Variants in BMAL1 observed in about 807,000 individuals in gnomAD.
The protein encoded by BMAL1 is basic helix-loop-helix ARNT-like protein 1.
the BMAL1 span, among the ~76,000 whole-genome samples, chr11:13,341,537 A>G: frequency 1.4e-4 from 21 of 152,270 alleles, no homozygotes; most frequent in African/African-American, 5.1e-4. Context: ...AAACACAAGC[A>G]CCTTTCAGGT....
chr11:13,353,236 C>T, the BMAL1 span: 7 of 153,868 alleles, frequency 4.5e-5, no homozygotes, highest in African/African-American at 1.7e-4. Context: ...GCTGCAACAT[C>T]TGTCACCCCA....
At chr11:13,320,041 A>G in the BMAL1 span, among the ~76,000 whole-genome samples, 7 of 152,356 alleles carry the variant, frequency 4.6e-5, no homozygotes, top group East Asian at 1.3e-3. Context: ...GATTTCTCAC[A>G]GGAGTGCTAA....
At chr11:13,331,247 G>T in the BMAL1 span, among the ~76,000 whole-genome samples, 1 of 152,232 alleles carries the variant, frequency 6.6e-6, no homozygotes, top group African/African-American at 2.4e-5. Flanking sequence ...TTGAGTGGTA[G>T]AGAAAATGAG....
chr11:13,341,268 C>T, the BMAL1 span, among the ~76,000 whole-genome samples: 76,394 of 152,080 alleles, frequency 0.5, 20,349 homozygotes, highest in Non-Finnish European at 0.61. Flanking sequence ...TCCTGTCCCA[C>T]GGATCCCTTC....
At chr11:13,337,882 G>T in the BMAL1 span, among the ~76,000 whole-genome samples, 1 of 152,126 alleles carries the variant, frequency 6.6e-6, no homozygotes, top group African/African-American at 2.4e-5. Context: ...AGCTGGGTTT[G>T]AACCCTGGCT....
At chr11:13,284,230 G>A in the BMAL1 span, among the ~76,000 whole-genome samples, 617 of 20,614 alleles carry the variant, frequency 0.03, 86 homozygotes, top group African/African-American at 0.11. Flanking sequence ...ATATATATGT[G>A]TGTGTATATA....
the BMAL1 span, among the ~76,000 whole-genome samples, chr11:13,359,175 A>T: frequency 6.6e-6 from 1 of 152,194 alleles, no homozygotes; most frequent in Non-Finnish European, 1.5e-5. Flanking sequence ...GTGAGAAAAC[A>T]TAGGCAGAAA....
the BMAL1 span, among the ~76,000 whole-genome samples, chr11:13,295,269 C>T: frequency 6.6e-6 from 1 of 152,062 alleles, no homozygotes; most frequent in South Asian, 2.1e-4. Context: ...GCTGACATGG[C>T]TTTGGCTGTC....
At chr11:13,346,557 G>A in the BMAL1 span, among the ~76,000 whole-genome samples, 2 of 152,168 alleles carry the variant, frequency 1.3e-5, no homozygotes, top group Admixed American at 6.5e-5. Context: ...AGCTGCCAAG[G>A]CCTCTCTCGA....
chr11:13,363,866 C>T, the BMAL1 span, among the ~76,000 whole-genome samples: 3 of 152,132 alleles, frequency 2.0e-5, no homozygotes, highest in East Asian at 1.9e-4. Flanking sequence ...CCTTCGGGCC[C>T]GGCTCCTTCA....
At chr11:13,284,234 GTATATATATATA>G in the BMAL1 span, among the ~76,000 whole-genome samples, 3 of 4,300 alleles carry the variant, frequency 7.0e-4, 1 homozygote, top group Non-Finnish European at 1.5e-3. Flanking sequence ...ATATGTGTGT[GTATATATATATA>G]TATATATATA....
At chr11:13,292,135 C>T in the BMAL1 span, among the ~76,000 whole-genome samples, 1 of 152,148 alleles carries the variant, frequency 6.6e-6, no homozygotes, top group Non-Finnish European at 1.5e-5. Context: ...TCTGGGTCTT[C>T]TCAGTTTTTT....
the BMAL1 span, among the ~76,000 whole-genome samples, chr11:13,311,780 C>T: frequency 1.3e-5 from 2 of 152,072 alleles, no homozygotes; most frequent in Admixed American, 1.3e-4. Context: ...GTGTGGTGTT[C>T]GTAACTCTGC....
the BMAL1 span, among the ~76,000 whole-genome samples, chr11:13,302,910 C>G: frequency 6.6e-6 from 1 of 152,168 alleles, no homozygotes. Flanking sequence ...TCCATTCAGC[C>G]TCTTTCTCTC....
At chr11:13,322,199 T>C in the BMAL1 span, among the ~76,000 whole-genome samples, 1 of 152,200 alleles carries the variant, frequency 6.6e-6, no homozygotes. Context: ...CCAGATTGAA[T>C]GAGAAGGAAC....
the BMAL1 span, among the ~76,000 whole-genome samples, chr11:13,337,272 A>AT: frequency 1.1e-4 from 17 of 151,610 alleles, no homozygotes; most frequent in Admixed American, 8.5e-4. Context: ...ATTCTGGTGA[A>AT]TTTTTTTTTG....
chr11:13,364,575 A>G, the BMAL1 span, among the ~76,000 whole-genome samples: 2 of 152,218 alleles, frequency 1.3e-5, no homozygotes, highest in African/African-American at 2.4e-5. Context: ...GAGCAAGGGC[A>G]TGACAGAGTG....
the BMAL1 span, among the ~76,000 whole-genome samples, chr11:13,362,592 C>T: frequency 0.013 from 1,902 of 152,036 alleles, 46 homozygotes; most frequent in African/African-American, 0.044. Flanking sequence ...TAGGGTGGGA[C>T]CAGGCTCCCG....
chr11:13,284,094 GTGTGTGTGTGTGTGTGTATATATA>G, the BMAL1 span, among the ~76,000 whole-genome samples: 121 of 86,556 alleles, frequency 1.4e-3, 2 homozygotes, highest in African/African-American at 4.2e-3. Flanking sequence ...GTGTGTGTGT[GTGTGTGTGTGTGTGTGTATATATA>G]TGTGTGTGTG....
Sources: gnomAD v4.1 joint callset for allele counts (sites outside exome capture counted in the v4.1 genomes callset) on GRCh38, gnomAD v4.1.1 for gene constraint, MANE v1.5 for transcripts, NCBI Gene and HGNC (gene_info 2026-07-23, HGNC 2026-07-21) for gene names.